Variants in MAGI2 observed in about 807,000 individuals in gnomAD.
The protein encoded by MAGI2 is membrane associated guanylate kinase, WW and PDZ domain containing 2.
MAGI2 carries 35 observed loss-of-function variants against 133.3 expected under a neutral mutation model. The ratio of observed to expected loss-of-function variants is 0.26; its 90% CI spans 0.20 to 0.35. MAGI2 has a LOEUF of 0.35. MAGI2 is among the 10% of genes least tolerant of loss of function. MAGI2 has a pLI of 1.00. For missense variants in MAGI2, 1,636 were observed against 1,863.4 expected (o/e 0.88, Z 2.25); for synonymous variants, 729 against 710.6 (o/e 1.03, Z -0.41).
intron 1 of MAGI2, among the ~76,000 whole-genome samples, chr7:79,220,237 G>A (rs983563249): frequency 6.6e-6 from 1 of 151,938 alleles, no homozygotes; most frequent in Admixed American, 6.6e-5. Flanking sequence ...GGAGGTGGGT[G>A]CATGTTTTTC....
chr7:78,371,428 T>C (rs1198253583), intron 6 of MAGI2, among the ~76,000 whole-genome samples: 1 of 151,966 alleles, frequency 6.6e-6, no homozygotes, highest in Admixed American at 6.6e-5. Flanking sequence ...AACAATCATG[T>C]TCAATAAACA....
At chr7:78,548,203 G>C (rs888352270) in intron 3 of MAGI2, among the ~76,000 whole-genome samples, 1 of 152,164 alleles carries the variant, frequency 6.6e-6, no homozygotes. Context: ...CATTTCTAAC[G>C]TTGGAAAGTT....
At chr7:79,356,626 A>C (rs2129116950) in intron 1 of MAGI2, among the ~76,000 whole-genome samples, 1 of 152,348 alleles carries the variant, frequency 6.6e-6, no homozygotes, top group Middle Eastern at 3.4e-3. Flanking sequence ...GTCAAGATTA[A>C]GTGATACTAT....
chr7:78,879,816 A>C (rs1204958469), intron 2 of MAGI2, among the ~76,000 whole-genome samples: 1 of 152,128 alleles, frequency 6.6e-6, no homozygotes, highest in Non-Finnish European at 1.5e-5. Flanking sequence ...AAAAAGTTTG[A>C]AAATTAACAA....
chr7:79,049,245 C>T (rs1440596203), intron 1 of MAGI2, among the ~76,000 whole-genome samples: 1 of 152,114 alleles, frequency 6.6e-6, no homozygotes, highest in Non-Finnish European at 1.5e-5. Context: ...GTGTCAAATA[C>T]TACTAGGAAA....
At chr7:78,547,511 C>A (rs1178892864) in intron 3 of MAGI2, among the ~76,000 whole-genome samples, 1 of 152,094 alleles carries the variant, frequency 6.6e-6, no homozygotes, top group African/African-American at 2.4e-5. Context: ...TTCATTCATT[C>A]TTCATTCATT....
Position 79,337,689 on chromosome 7 carries a change from G to GA in MAGI2, c.301+115330dup, listed in dbSNP as rs367902289. 6.1e-3 allele frequency among the ~76,000 whole-genome samples: 921 copies of GA among 151,836 alleles called. 8 individuals carry two copies. The highest frequency in any genetic ancestry group is 0.017 in the African/African-American group (724 of 41,416). On this transcript the variant is annotated intron_variant, in intron 1 of 21. Coordinates refer to ENST00000354212, the MANE Select transcript of MAGI2 (RefSeq NM_012301.4). Reference sequence around the variant, plus strand: ...AAAATACAATAGTGAGAATCTGCTGGAAAAAAAAGTGCTTTGTGTTTTCCA... The same window carrying GA: ...AAAATACAATAGTGAGAATCTGCTGGAAAAAAAAAGTGCTTTGTGTTTTCCA...
intron 16 of MAGI2, among the ~76,000 whole-genome samples, chr7:78,138,302 C>T (rs921102549): frequency 5.3e-5 from 8 of 152,240 alleles, no homozygotes; most frequent in Non-Finnish European, 1.2e-4. Context: ...TTGTCTGAAG[C>T]AGGTTCTTTG....
intron 1 of MAGI2, among the ~76,000 whole-genome samples, chr7:79,356,160 G>GA (rs1269555059): frequency 6.6e-6 from 1 of 152,064 alleles, no homozygotes; most frequent in African/African-American, 2.4e-5. Flanking sequence ...TAGGTTATAT[G>GA]AAAAAAGGTT....
Position 79,007,785 on chromosome 7 carries a change from A to G in MAGI2, c.302-579T>C, listed in dbSNP as rs146806724. Among the ~76,000 whole-genome samples, 213 of 152,176 alleles carry G rather than the reference A, an allele frequency of 1.4e-3. 1 individual carries two copies. Among genetic ancestry groups the G allele is most frequent in the Non-Finnish European group, 2.1e-3 (144 of 67,968 alleles). ...AAAAAGTTAAAGAAGAAAAACCTAC[A>G]CAAATATTAATGATTTTACTCCTTT... On this transcript the variant is annotated intron_variant, in intron 1 of 21. Coordinates refer to ENST00000354212, the MANE Select transcript of MAGI2 (RefSeq NM_012301.4).
At chr7:78,832,952 C>T (rs1158368167) in intron 2 of MAGI2, among the ~76,000 whole-genome samples, 1 of 152,130 alleles carries the variant, frequency 6.6e-6, no homozygotes, top group Non-Finnish European at 1.5e-5. Flanking sequence ...GCATGAGGGG[C>T]ACCTGTTCAT....
At chr7:78,925,616 G>C (rs1322235368) in intron 2 of MAGI2, among the ~76,000 whole-genome samples, 5 of 151,972 alleles carry the variant, frequency 3.3e-5, no homozygotes, top group Admixed American at 2.6e-4. Flanking sequence ...AGTGTGTGAT[G>C]AGTGGTATCT....
chr7:79,370,434 T>C (rs848913), intron 1 of MAGI2, among the ~76,000 whole-genome samples: 21,694 of 151,964 alleles, frequency 0.14, 1,717 homozygotes, highest in African/African-American at 0.18. Context: ...CTTAGCACAA[T>C]GTAAGTAACA....
chr7:79,193,528 TA>T (rs1827838473), intron 1 of MAGI2, among the ~76,000 whole-genome samples: 1 of 151,996 alleles, frequency 6.6e-6, no homozygotes, highest in Non-Finnish European at 1.5e-5. Context: ...ACAAGTTAAA[TA>T]CTCCTGTATT....
chr7:78,848,049 G>A (rs1004943910), intron 2 of MAGI2, among the ~76,000 whole-genome samples: 3 of 151,804 alleles, frequency 2.0e-5, no homozygotes, highest in Admixed American at 6.6e-5. Flanking sequence ...CCAATGTCAC[G>A]GCTTTAAATG....
intron 6 of MAGI2, among the ~76,000 whole-genome samples, chr7:78,411,602 G>T (rs1403271143): frequency 7.9e-5 from 12 of 151,932 alleles, no homozygotes; most frequent in African/African-American, 2.9e-4. Context: ...AGCATTCTCA[G>T]ACGAAAGTGA....
chr7:79,439,728 T>C (rs1035261594), intron 1 of MAGI2, among the ~76,000 whole-genome samples: 2 of 152,110 alleles, frequency 1.3e-5, no homozygotes, highest in African/African-American at 4.8e-5. Flanking sequence ...ATATTTTTTA[T>C]CCTGATGGAA....
intron 2 of MAGI2, among the ~76,000 whole-genome samples, chr7:78,937,294 A>C (rs1021245930): frequency 6.6e-6 from 1 of 152,160 alleles, no homozygotes; most frequent in South Asian, 2.1e-4. Context: ...CCATACTGAC[A>C]CAAACAATTG....
At chr7:78,701,507 A>G (rs931385956) in intron 2 of MAGI2, among the ~76,000 whole-genome samples, 1 of 152,002 alleles carries the variant, frequency 6.6e-6, no homozygotes, top group African/African-American at 2.4e-5. Context: ...CAAGGGATAC[A>G]TAATTCATGT....
Sources: gnomAD v4.1 joint callset for allele counts (sites outside exome capture counted in the v4.1 genomes callset) on GRCh38, gnomAD v4.1.1 for gene constraint, MANE v1.5 for transcripts, NCBI Gene and HGNC (gene_info 2026-07-23, HGNC 2026-07-21) for gene names.